COL11A1: variants seen among roughly 807,000 people sequenced by gnomAD.
COL11A1 encodes collagen alpha-1(XI) chain.
In COL11A1, 74 loss-of-function variants were observed where a neutral mutation model predicts 265.2. The observed-to-expected ratio is 0.28, with a 90% CI of 0.23 to 0.34. COL11A1 has a LOEUF of 0.34. Ranked by LOEUF, COL11A1 falls within the 10% of genes least tolerant of loss-of-function variation. COL11A1 has a pLI of 1.00. For missense variants in COL11A1, 2,165 were observed against 2,263.6 expected (o/e 0.96, Z 0.88); for synonymous variants, 816 against 727.6 (o/e 1.12, Z -1.96).
At chr1:102,988,827 T>A (rs1235695309) in intron 29 of COL11A1, among the ~76,000 whole-genome samples, 1 of 152,136 alleles carries the variant, frequency 6.6e-6, no homozygotes, top group Admixed American at 6.6e-5. Context: ...CTTTTGTACG[T>A]GGCTTTTATC....
At chr1:103,090,036 A>C (rs549280893) in intron 1 of COL11A1, among the ~76,000 whole-genome samples, 40 of 152,254 alleles carry the variant, frequency 2.6e-4, no homozygotes, top group African/African-American at 8.9e-4. Context: ...AGGCAGGAGA[A>C]TCTCTTGAAC....
At chr1:102,891,613 A>G (rs1165445205) in intron 57 of COL11A1, among the ~76,000 whole-genome samples, 4 of 150,768 alleles carry the variant, frequency 2.7e-5, no homozygotes, top group Non-Finnish European at 4.4e-5. Context: ...AATGGCTCAC[A>G]CCTGTAATCC....
chr1:102,920,477 GTCAT>G, intron 48 of COL11A1, 113 bp from the exon 49 acceptor site: 6 of 878,634 alleles, frequency 6.8e-6, no homozygotes, highest in Non-Finnish European at 9.4e-6. Context: ...AGTATTCTTA[GTCAT>G]TTAAAGAATG....
At chr1:102,956,436 A>G (rs1031816286) in intron 41 of COL11A1, among the ~76,000 whole-genome samples, 3 of 152,134 alleles carry the variant, frequency 2.0e-5, no homozygotes, top group African/African-American at 7.2e-5. Context: ...TCTGGTATTT[A>G]TTTCTTTATG....
intron 28 of COL11A1, among the ~76,000 whole-genome samples, chr1:102,994,842 A>C (rs1664473851): frequency 6.6e-6 from 1 of 152,062 alleles, no homozygotes; most frequent in Non-Finnish European, 1.5e-5. Context: ...AAGAGGTTTA[A>C]TTGACTCACA....
intron 4 of COL11A1, among the ~76,000 whole-genome samples, chr1:103,055,501 T>C (rs1670177335): frequency 1.3e-5 from 2 of 152,196 alleles, no homozygotes; most frequent in African/African-American, 4.8e-5. Context: ...CTTTCTTAAT[T>C]AAAGAAGTTC....
intron 1 of COL11A1, among the ~76,000 whole-genome samples, chr1:103,101,155 A>G (rs116610679): frequency 0.012 from 1,779 of 152,016 alleles, 33 homozygotes; most frequent in African/African-American, 0.041. Context: ...TAACATCACT[A>G]AAGTGCAAGG....
chr1:102,936,678 A>C lies in COL11A1; in HGVS notation c.3439-1565T>G, dbSNP rs180791142. 4.3e-3 allele frequency among the ~76,000 whole-genome samples: 653 copies of C among 152,298 alleles called. 3 individuals are homozygous for C. The highest frequency in any genetic ancestry group is 7.2e-3 in the Non-Finnish European group (489 of 68,008). ...TGAGGACCTTACCCAGGAAATCAAT[A>C]ATTTCCAAATTATCAATGAAGGATA... On this transcript the variant is annotated intron_variant, in intron 44 of 66. Coordinates refer to ENST00000370096, the MANE Select transcript of COL11A1 (RefSeq NM_001854.4).
intron 15 of COL11A1, among the ~76,000 whole-genome samples, chr1:103,006,709 T>C (rs942298931): frequency 6.6e-6 from 1 of 151,910 alleles, no homozygotes; most frequent in African/African-American, 2.4e-5. Flanking sequence ...GGCTAATTTT[T>C]TGTATTTTTA....
chr1:102,978,852 G>A lies in COL11A1; in HGVS notation c.2709+8C>T. On this transcript the variant is annotated splice_region_variant and intron_variant, in intron 34 of 66. Coordinates refer to ENST00000370096, the MANE Select transcript of COL11A1 (RefSeq NM_001854.4). ...GTAACATCCAAACAGAAAAAGTACA[G>A]GTGATACCTTTGGCCCAGGTTTCCC... 1 of 1,614,098 alleles carries A rather than the reference G, an allele frequency of 6.2e-7. No homozygotes were observed. Among genetic ancestry groups the A allele is most frequent in the Non-Finnish European group, 8.5e-7 (1 of 1,179,986 alleles).
chr1:102,886,257 T>C (rs1366459599), intron 63 of COL11A1, among the ~76,000 whole-genome samples: 1 of 152,170 alleles, frequency 6.6e-6, no homozygotes, highest in Non-Finnish European at 1.5e-5. Context: ...CTAATTGTTA[T>C]TAGTAAGTAA....
intron 1 of COL11A1, among the ~76,000 whole-genome samples, chr1:103,101,993 AC>A (rs1307075367): frequency 6.6e-6 from 1 of 152,028 alleles, no homozygotes; most frequent in African/African-American, 2.4e-5. Flanking sequence ...TGTCTAAAGA[AC>A]CACTAGCCAA....
intron 11 of COL11A1, among the ~76,000 whole-genome samples, chr1:103,016,448 T>C (rs1338800093): frequency 6.6e-6 from 1 of 151,922 alleles, no homozygotes; most frequent in Admixed American, 6.6e-5. Flanking sequence ...AAATATTAAA[T>C]ATGTAATATA....
chr1:103,027,907 T>C (rs920786044), intron 5 of COL11A1, among the ~76,000 whole-genome samples: 4 of 152,198 alleles, frequency 2.6e-5, no homozygotes, highest in Admixed American at 6.5e-5. Flanking sequence ...AATTCTGTCC[T>C]TTATTTAAAC....
At chr1:102,939,212 A>T in intron 43 of COL11A1, 124 bp from the exon 44 acceptor site, 1 of 885,640 alleles carries the variant, frequency 1.1e-6, no homozygotes, top group Non-Finnish European at 1.8e-6. Context: ...GTCACTGTTT[A>T]AAATGGAAAA....
intron 44 of COL11A1, 22 bp from the exon 45 acceptor site, chr1:102,935,135 T>A: frequency 6.2e-7 from 1 of 1,609,202 alleles, no homozygotes; most frequent in Non-Finnish European, 8.5e-7. Flanking sequence ...TAAAAATAAG[T>A]AATTTTTAAA....
At chr1:102,931,302 T>G (rs190049420) in intron 46 of COL11A1, among the ~76,000 whole-genome samples, 11,758 of 151,082 alleles carry the variant, frequency 0.078, 488 homozygotes, top group African/African-American at 0.094. Flanking sequence ...GTCTTTGTTC[T>G]CATTGGTTTC....
intron 49 of COL11A1, among the ~76,000 whole-genome samples, chr1:102,916,882 T>C (rs1207562584): frequency 6.6e-6 from 1 of 151,932 alleles, no homozygotes; most frequent in African/African-American, 2.4e-5. Flanking sequence ...CTCAGTAGAA[T>C]GTAATGATGT....
chr1:102,928,082 A>G (rs1410577194), intron 46 of COL11A1, among the ~76,000 whole-genome samples: 1 of 151,896 alleles, frequency 6.6e-6, no homozygotes, highest in African/African-American at 2.4e-5. Flanking sequence ...GTCCTATGAG[A>G]GGACCCTTCT....
Sources: gnomAD v4.1 joint callset for allele counts (sites outside exome capture counted in the v4.1 genomes callset) on GRCh38, gnomAD v4.1.1 for gene constraint, MANE v1.5 for transcripts, NCBI Gene and HGNC (gene_info 2026-07-23, HGNC 2026-07-21) for gene names.